FANCL: variants seen among roughly 807,000 people sequenced by gnomAD.
FANCL encodes the protein FA complementation group L.
FANCL carries 69 observed loss-of-function variants against 59.4 expected under a neutral mutation model. That is an observed-to-expected ratio of 1.16 (90% CI 0.96 to 1.42). The LOEUF (loss-of-function observed/expected upper bound fraction) is 1.42, where lower values mean the gene tolerates loss of function less well. Among genes scored for constraint, FANCL ranks in the 40% most tolerant of loss-of-function variants. The probability of loss-of-function intolerance (pLI) is 0.00; values close to 1 mark genes in which losing one functional copy is unlikely to be tolerated. For synonymous variants in FANCL, 180 were observed against 147.1 expected, an observed-to-expected ratio of 1.22 and a Z score of -1.62; for missense variants, 519 against 447.2, an observed-to-expected ratio of 1.16 and a Z score of -1.45.
At chr2:58,182,047 T>G (rs890176898) in intron 7 of FANCL, among the ~76,000 whole-genome samples, 3 of 151,768 alleles carry the variant, frequency 2.0e-5, no homozygotes, top group African/African-American at 7.2e-5. Context: ...ATCTTTGAAA[T>G]GTCTATGATA....
At chr2:58,204,054 T>G in intron 6 of FANCL, 76 bp downstream of exon 6, 1 of 1,107,434 alleles carries the variant, frequency 9.0e-7, no homozygotes. Context: ...TAGCACTTCT[T>G]TACATTGAGA....
chr2:58,197,878 T>G (rs191612614), intron 7 of FANCL, among the ~76,000 whole-genome samples: 3 of 152,236 alleles, frequency 2.0e-5, no homozygotes. Flanking sequence ...GTCAAAAGTT[T>G]TAGCAATATA....
chr2:58,186,259 C>A (rs542586650), intron 7 of FANCL, among the ~76,000 whole-genome samples: 2 of 152,056 alleles, frequency 1.3e-5, no homozygotes, highest in Admixed American at 6.6e-5. Flanking sequence ...AATCAAAAAG[C>A]AAACATCAGA....
intron 7 of FANCL, 51 bp from the exon 8 acceptor site, chr2:58,165,925 A>C (rs1254426254): frequency 1.9e-6 from 3 of 1,571,426 alleles, no homozygotes; most frequent in Non-Finnish European, 2.6e-6. Flanking sequence ...TACCAATAGC[A>C]GATAATCTTT....
intron 7 of FANCL, among the ~76,000 whole-genome samples, chr2:58,194,845 C>G (rs1049255466): frequency 6.6e-6 from 1 of 151,608 alleles, no homozygotes; most frequent in East Asian, 1.9e-4. Context: ...AAAACATTAT[C>G]AACCCAGCAG....
chr2:58,183,512 T>C (rs1688122001), intron 7 of FANCL, among the ~76,000 whole-genome samples: 2 of 151,946 alleles, frequency 1.3e-5, no homozygotes, highest in Non-Finnish European at 2.9e-5. Context: ...TGAATCTTTA[T>C]CCATGCTCTT....
At chr2:58,199,262 G>C (rs1406641784) in intron 6 of FANCL, among the ~76,000 whole-genome samples, 2 of 152,112 alleles carry the variant, frequency 1.3e-5, no homozygotes, top group Non-Finnish European at 2.9e-5. Context: ...GTTATGATTT[G>C]AGGAATGAAC....
intron 7 of FANCL, among the ~76,000 whole-genome samples, chr2:58,196,583 A>C (rs970420989): frequency 6.6e-6 from 1 of 152,008 alleles, no homozygotes; most frequent in African/African-American, 2.4e-5. Flanking sequence ...TATATGAATA[A>C]GGCACTGAGC....
chr2:58,181,750 G>T (rs1687963851), intron 7 of FANCL, among the ~76,000 whole-genome samples: 1 of 151,746 alleles, frequency 6.6e-6, no homozygotes, highest in African/African-American at 2.4e-5. Context: ...TTTCTTGTAT[G>T]TCAGAAAATT....
chr2:58,164,777 ATACCATAATTT>A, intron 8 of FANCL, among the ~76,000 whole-genome samples: 1 of 152,230 alleles, frequency 6.6e-6, no homozygotes, highest in Admixed American at 6.5e-5. Context: ...GTTCACAAAT[ATACCATAATTT>A]GGTTAATTGT....
chr2:58,198,034 T>C (rs1472469426), intron 7 of FANCL, among the ~76,000 whole-genome samples: 1 of 151,874 alleles, frequency 6.6e-6, no homozygotes, highest in Non-Finnish European at 1.5e-5. Flanking sequence ...GGATGGTGTG[T>C]GTGTGTGTGT....
chr2:58,180,737 G>A (rs1329097690), intron 7 of FANCL, among the ~76,000 whole-genome samples: 1 of 151,744 alleles, frequency 6.6e-6, no homozygotes, highest in African/African-American at 2.4e-5. Flanking sequence ...AATAAAAATA[G>A]CCACCTTCTC....
At chr2:58,215,271 C>T (rs2105231145) in intron 5 of FANCL, among the ~76,000 whole-genome samples, 1 of 152,300 alleles carries the variant, frequency 6.6e-6, no homozygotes, top group East Asian at 1.9e-4. Flanking sequence ...CTCTCCTCAC[C>T]ATTGTTATGC....
Position 58,160,196 on chromosome 2 carries a change from A to C in FANCL, c.1021-17T>G. ...TCTCAGCCACTGCAAATTTTAAAAGATAAAGGAGAAGCGTCAGCATGATTA... is the reference window on the plus strand; with the variant it reads ...TCTCAGCCACTGCAAATTTTAAAAGCTAAAGGAGAAGCGTCAGCATGATTA... On this transcript the variant is annotated splice_polypyrimidine_tract_variant and intron_variant, in intron 12 of 13. Coordinates refer to ENST00000233741, the MANE Select transcript of FANCL (RefSeq NM_018062.4). 1 of 1,611,184 alleles carries C rather than the reference A, an allele frequency of 6.2e-7. No individual in the cohort carries two copies. The highest frequency in any genetic ancestry group is 8.5e-7 in the Non-Finnish European group (1 of 1,177,596).
chr2:58,228,571 C>T (rs868233705), intron 3 of FANCL, among the ~76,000 whole-genome samples: 6 of 152,136 alleles, frequency 3.9e-5, no homozygotes, highest in Non-Finnish European at 7.4e-5. Flanking sequence ...GTTGCTATAA[C>T]GGCAGAATTG....
At position 58,167,987 on chromosome 2, in the gene FANCL, AATT is replaced by A. The variant is rs1251582316; in HGVS notation, c.541-2116_541-2114del. On this transcript the variant is annotated intron_variant, in intron 7 of 13. Coordinates refer to ENST00000233741, the MANE Select transcript of FANCL (RefSeq NM_018062.4). ...TTTTTTCCCCAAATTGAAAAAAATA[AATT>A]ATTTCTAAATATTACCAATGGAATT... 8.5e-5 allele frequency among the ~76,000 whole-genome samples: 13 copies of A among 152,330 alleles called. No homozygotes were observed. The East Asian group carries it at 2.3e-3, about 27-fold the overall frequency.
chr2:58,202,261 A>AC (rs1491515859), intron 6 of FANCL, among the ~76,000 whole-genome samples: 3 of 147,070 alleles, frequency 2.0e-5, no homozygotes, highest in Non-Finnish European at 4.6e-5. Flanking sequence ...AAAAAAAAAA[A>AC]GACTTCCTGG....
intron 7 of FANCL, among the ~76,000 whole-genome samples, chr2:58,172,115 G>A (rs1007895934): frequency 1.3e-5 from 2 of 152,234 alleles, no homozygotes; most frequent in Non-Finnish European, 2.9e-5. Context: ...ACTGGGTGGA[G>A]CCCACCACAG....
At chr2:58,216,631 G>A (rs1270386634) in intron 5 of FANCL, among the ~76,000 whole-genome samples, 2 of 152,054 alleles carry the variant, frequency 1.3e-5, no homozygotes, top group African/African-American at 4.8e-5. Flanking sequence ...GAAAAGTAGA[G>A]AAAAACCCTT....
Sources: allele counts gnomAD v4.1 joint callset (sites outside exome capture counted in the v4.1 genomes callset), GRCh38; gene constraint gnomAD v4.1.1; transcripts MANE v1.5; gene names NCBI Gene and HGNC (gene_info 2026-07-23, HGNC 2026-07-21).